SNX29: variants seen among roughly 807,000 people sequenced by gnomAD.
The protein encoded by SNX29 is sorting nexin-29.
A neutral mutation model predicts 102.1 loss-of-function variants in SNX29; 78 were observed. That is an observed-to-expected ratio of 0.76 (90% CI 0.64 to 0.92). The LOEUF (loss-of-function observed/expected upper bound fraction) is 0.92, where lower values mean the gene tolerates loss of function less well. SNX29 is among the 40% of genes least tolerant of loss of function. The pLI is 0.00. For synonymous variants in SNX29, 580 were observed against 414.5 expected, an observed-to-expected ratio of 1.40 and a Z score of -4.85; for missense variants, 1,280 against 1,061.7, an observed-to-expected ratio of 1.21 and a Z score of -2.86.
At chr16:12,037,510 A>G (rs146635601) in intron 4 of SNX29, among the ~76,000 whole-genome samples, 1 of 152,132 alleles carries the variant, frequency 6.6e-6, no homozygotes, top group Non-Finnish European at 1.5e-5. Context: ...ATTAAAAAAA[A>G]CGAAAGTTGC....
At chr16:12,316,135 A>G (rs2080727097) in intron 15 of SNX29, among the ~76,000 whole-genome samples, 2 of 152,216 alleles carry the variant, frequency 1.3e-5, no homozygotes. Context: ...AGGCAGAGAG[A>G]CAGCAAAGGT....
chr16:12,165,197 GT>G (rs1211811886), intron 13 of SNX29, among the ~76,000 whole-genome samples: 1 of 152,218 alleles, frequency 6.6e-6, no homozygotes, highest in African/African-American at 2.4e-5. Context: ...GTAGGCCTGT[GT>G]TTTTGCTTTG....
rs182049304 is a variant in SNX29, at chr16:12,450,864, G to A, written c.2038-26855G>A. Among the ~76,000 whole-genome samples, 89 of 152,226 alleles carry A rather than the reference G, an allele frequency of 5.8e-4. 3 individuals are homozygous for A. The highest frequency in any genetic ancestry group is 5.8e-3 in the Admixed American group (88 of 15,294). On this transcript the variant is annotated intron_variant, in intron 18 of 20. Transcript: ENST00000566228. ...AAGTACAGCTGATGAAGGACCAAGG[G>A]CAGGAGTGGAGAAAACCCAGAACAC...
chr16:12,444,923 C>A (rs538088581), intron 18 of SNX29, among the ~76,000 whole-genome samples: 17 of 150,260 alleles, frequency 1.1e-4, no homozygotes, highest in Non-Finnish European at 2.1e-4. Flanking sequence ...ACGACCTCAG[C>A]TCACTGCAAC....
intron 19 of SNX29, among the ~76,000 whole-genome samples, chr16:12,491,554 G>C (rs182822725): frequency 2.6e-5 from 4 of 151,348 alleles, no homozygotes; most frequent in Non-Finnish European, 1.5e-5. Flanking sequence ...TATACTTTAA[G>C]TTTTAGGGTA....
chr16:12,376,736 C>CA (rs71408262), intron 16 of SNX29, among the ~76,000 whole-genome samples: 5,390 of 77,866 alleles, frequency 0.069, 708 homozygotes, highest in African/African-American at 0.25. Context: ...GACTCTGTCT[C>CA]AAAAAAAAAA....
chr16:12,200,199 A>G (rs1175021688), intron 14 of SNX29, among the ~76,000 whole-genome samples: 1 of 152,206 alleles, frequency 6.6e-6, no homozygotes, highest in East Asian at 1.9e-4. Context: ...CATAATGCCT[A>G]CCATAGAATA....
intron 16 of SNX29, among the ~76,000 whole-genome samples, chr16:12,376,944 T>C (rs1004853483): frequency 6.6e-6 from 1 of 152,102 alleles, no homozygotes; most frequent in Non-Finnish European, 1.5e-5. Flanking sequence ...TCTGTGAATT[T>C]TACTCTGTCT....
chr16:12,281,729 A>G (rs1431018114), intron 15 of SNX29, among the ~76,000 whole-genome samples: 1 of 152,224 alleles, frequency 6.6e-6, no homozygotes, highest in African/African-American at 2.4e-5. Context: ...TTCACAGACA[A>G]AGCTTTGGGA....
rs566338596 is a variant in SNX29 at position 12,107,714 on chromosome 16, G to T, written c.1403-18919G>T. Among the ~76,000 whole-genome samples the T allele has an allele frequency of 2.4e-3, 367 of 152,238 alleles. 3 individuals are homozygous for T. Among genetic ancestry groups the T allele is most frequent in the Non-Finnish European group, 6.0e-4 (41 of 68,000 alleles). On this transcript the variant is annotated intron_variant, in intron 11 of 20. Transcript: ENST00000566228. ...AGAGAATCGAGGTGACGAGTGGGTG[G>T]TGGGCACCGTGGATGTGATGACTGC...
chr16:12,536,774 C>T (rs958019830), intron 20 of SNX29, among the ~76,000 whole-genome samples: 1 of 152,088 alleles, frequency 6.6e-6, no homozygotes, highest in Non-Finnish European at 1.5e-5. Context: ...CCAGGAGTTT[C>T]AGACCAGCCT....
intron 14 of SNX29, among the ~76,000 whole-genome samples, chr16:12,234,110 C>A (rs531022881): frequency 2.0e-5 from 3 of 152,234 alleles, no homozygotes; most frequent in African/African-American, 4.8e-5. Context: ...TCGGGTATAA[C>A]CTAGGAGTGG....
intron 19 of SNX29, among the ~76,000 whole-genome samples, chr16:12,499,435 A>G (rs1489777268): frequency 6.6e-6 from 1 of 152,154 alleles, no homozygotes; most frequent in Non-Finnish European, 1.5e-5. Flanking sequence ...CCAGATTCTC[A>G]AGGCAAGTGG....
At chr16:12,454,236 G>A (rs567304807) in intron 18 of SNX29, among the ~76,000 whole-genome samples, 111 of 152,282 alleles carry the variant, frequency 7.3e-4, no homozygotes, top group African/African-American at 2.6e-3. Context: ...GGTAACCTGG[G>A]GGATGGCAAC....
chr16:12,562,734 T>G (rs113100993), intron 20 of SNX29, among the ~76,000 whole-genome samples: 4 of 152,206 alleles, frequency 2.6e-5, no homozygotes, highest in African/African-American at 9.7e-5. Context: ...TTTCTCGCTT[T>G]TATGGCATAG....
intron 11 of SNX29, among the ~76,000 whole-genome samples, chr16:12,099,741 TGGG>T (rs1378965349): frequency 1.3e-5 from 2 of 152,008 alleles, no homozygotes; most frequent in African/African-American, 4.8e-5. Context: ...TGTGGATCCC[TGGG>T]CTGAGGGACG....
intron 18 of SNX29, among the ~76,000 whole-genome samples, chr16:12,438,799 G>T (rs181979315): frequency 2.0e-5 from 3 of 152,348 alleles, no homozygotes; most frequent in African/African-American, 7.2e-5. Context: ...GAGCTAACCA[G>T]GTGTAGGGGT....
Position 12,129,718 on chromosome 16 carries a change from C to T in SNX29, c.1555C>T (p.Gln519Ter). ...CACCTTGAAAAGGAAGGTGGCTGAA[C>T]AGGAGGAGCGGCAGGGCATGAAGGT... ...VDTLKRKVAE[Q>*]EERQGMKVQA... Residue 519 changes from glutamine (Q) to a stop codon, truncating the protein, a stop_gained, in exon 13 of 21, where the codon CAG becomes TAG. Transcript: ENST00000566228. LOFTEE classifies it high-confidence loss of function. 6.2e-7 allele frequency: 1 copy of T among 1,610,440 alleles called. No individual in the cohort carries two copies. The highest frequency in any genetic ancestry group is 8.5e-7 in the Non-Finnish European group (1 of 1,179,268).
chr16:12,544,414 C>T (rs186138619), intron 20 of SNX29, among the ~76,000 whole-genome samples: 7 of 152,158 alleles, frequency 4.6e-5, no homozygotes, highest in African/African-American at 1.7e-4. Flanking sequence ...AACATTATGT[C>T]AGCTGGTGGG....
Sources: allele counts gnomAD v4.1 joint callset (sites outside exome capture counted in the v4.1 genomes callset), GRCh38; gene constraint gnomAD v4.1.1; transcripts MANE v1.5; gene names NCBI Gene and HGNC (gene_info 2026-07-23, HGNC 2026-07-21).